The following RABL2A variants were observed in gnomAD, a reference collection of about 807,000 sequenced individuals.
RABL2A encodes RAB, member of RAS oncogene family like 2A.
Under a neutral mutation model 30.7 loss-of-function variants are expected in RABL2A, and 17 were observed. The ratio of observed to expected loss-of-function variants is 0.55; its 90% CI spans 0.38 to 0.83. The LOEUF is 0.83. Among genes scored for constraint, RABL2A ranks in the 40% least tolerant of loss-of-function variants. The pLI, the probability that RABL2A is intolerant of heterozygous loss-of-function variation, is 0.00. For missense variants in RABL2A, 155 were observed against 272.6 expected (o/e 0.57, Z 3.04); for synonymous variants, 64 against 101.8 (o/e 0.63, Z 2.24).
intron 4 of RABL2A, chr2:113,634,538 C>G (rs574646577): frequency 2.1e-6 from 1 of 474,420 alleles, no homozygotes; most frequent in Non-Finnish European, 3.8e-6. Context: ...AGGCCTTCGA[C>G]GAGGCAGTAG....
intron 2 of RABL2A, among the ~76,000 whole-genome samples, chr2:113,631,268 C>G (rs911066474): frequency 7.2e-5 from 11 of 152,104 alleles, no homozygotes; most frequent in South Asian, 4.1e-4. Context: ...TCTTTGATAG[C>G]TGTCTAACTT....
At position 113,640,992 on chromosome 2, in the gene RABL2A, C is replaced by T; in HGVS notation, c.396C>T (p.Ala132=). ...CAGAGATCCCATGCATCGTGGTGGC[C>T]AATAAAATTGATGGTGGGGCCATCC... ...FRPEIPCIVV[A]NKIDADINVT... The change falls in exon 6 of 9, where the codon GCC becomes GCT. Residue 132 remains alanine (A), a synonymous_variant. Transcript: ENST00000683472. 6.2e-7 allele frequency: 1 copy of T among 1,613,324 alleles called. No homozygotes were observed. The highest frequency in any genetic ancestry group is 2.2e-5 in the East Asian group (1 of 44,856).
chr2:113,634,958 A>T (rs1681956874), intron 4 of RABL2A, 93 bp from the exon 5 acceptor site: 1 of 1,395,980 alleles, frequency 7.2e-7, no homozygotes, highest in East Asian at 2.3e-5. Context: ...ACACTCACAC[A>T]TGTGCTGTGG....
At chr2:113,634,312 A>G in intron 4 of RABL2A, 80 bp downstream of exon 4, 1 of 1,550,064 alleles carries the variant, frequency 6.5e-7, no homozygotes. Context: ...CAAGGTTCAT[A>G]AGGAGAGAGT....
At chr2:113,641,083 G>C in intron 6 of RABL2A, 78 bp downstream of exon 6, 3 of 1,397,892 alleles carry the variant, frequency 2.1e-6, no homozygotes, top group Non-Finnish European at 3.0e-6. Context: ...CATTCCCCGG[G>C]CAGGCAACCT....
At chr2:113,631,188 C>T (rs962375237) in intron 2 of RABL2A, among the ~76,000 whole-genome samples, 8 of 152,188 alleles carry the variant, frequency 5.3e-5, no homozygotes, top group African/African-American at 1.9e-4. Context: ...AGCCACCGCA[C>T]CCAGCCAACA....
chr2:113,640,779 C>T (rs1281070956), intron 5 of RABL2A, 115 bp from the exon 6 acceptor site: 52 of 1,556,304 alleles, frequency 3.3e-5, no homozygotes, highest in Non-Finnish European at 4.3e-5. Context: ...TCAGAGCGTT[C>T]CCACAAACAG....
chr2:113,641,343 C>G lies in RABL2A; in HGVS notation c.410-10C>G, dbSNP rs761418439. The G allele has an allele frequency of 2.5e-6, 4 of 1,613,806 alleles. No homozygotes were observed. The East Asian group carries it at 6.7e-5, about 27-fold the overall frequency. ...CCTTGACAGACCAATGTCCTACCTT[C>G]TCTCTACAGCAGACATAAACGTGAC... is the stretch of plus-strand genomic sequence containing the variant. On this transcript the variant is annotated splice_polypyrimidine_tract_variant and intron_variant, in intron 6 of 8. Coordinates refer to ENST00000683472, the MANE Select transcript of RABL2A (RefSeq NM_001306158.2).
intron 5 of RABL2A, among the ~76,000 whole-genome samples, chr2:113,636,997 TAAAA>T (rs1443170260): frequency 1.0e-5 from 1 of 95,682 alleles, no homozygotes; most frequent in East Asian, 6.0e-4. Context: ...TCAAAAAAAA[TAAAA>T]AAATAAAAAA....
rs1364240581 is a variant in RABL2A, at chr2:113,642,150, G to A, written c.*21G>A. On this transcript the variant is annotated 3_prime_UTR_variant, in exon 9 of 9. Transcript: ENST00000683472. ...GCTGAGGGGCTGGGGCTAGGGGTGGGTGGAGCCCTTTTAAAATACCCTTCC... is the reference window on the plus strand; with the variant it reads ...GCTGAGGGGCTGGGGCTAGGGGTGGATGGAGCCCTTTTAAAATACCCTTCC... 13 of 1,612,240 alleles carry A rather than the reference G, an allele frequency of 8.1e-6. No homozygotes were observed. In the African/African-American group the frequency reaches 9.4e-5, roughly 12 times the overall value.
chr2:113,635,606 C>T, intron 5 of RABL2A: 1 of 237,658 alleles, frequency 4.2e-6, no homozygotes, highest in East Asian at 1.1e-4. Context: ...GGACGCAGTC[C>T]TCACGGCTCC....
At position 113,627,288 on chromosome 2, in the gene RABL2A, C is replaced by G. The variant is rs1278284820; in HGVS notation, c.-166C>G. 1 of 129,882 alleles carries G rather than the reference C, an allele frequency of 7.7e-6. No individual in the cohort carries two copies. Among genetic ancestry groups the G allele is most frequent in the South Asian group, 2.5e-4 (1 of 4,042 alleles). The allele number at this position is 129,882 out of a possible 1,614,324, so 8.0% of individuals were successfully genotyped here. ...GCCGGAAGTGGAGTGCGCTGCGGTG[C>G]GAGCTGGGCCGGCGGGGTGGTTCGA... On this transcript the variant is annotated 5_prime_UTR_variant, in exon 1 of 9. Coordinates refer to ENST00000683472, the MANE Select transcript of RABL2A (RefSeq NM_001306158.2).
intron 2 of RABL2A, 82 bp from the exon 3 acceptor site, chr2:113,632,833 G>A: frequency 6.2e-7 from 1 of 1,608,812 alleles, no homozygotes; most frequent in East Asian, 2.2e-5. Flanking sequence ...TGGCTTCCAG[G>A]TTGTCAGCCT....
intron 2 of RABL2A, among the ~76,000 whole-genome samples, chr2:113,629,006 G>A (rs1003247820): frequency 6.6e-6 from 1 of 151,462 alleles, no homozygotes; most frequent in Non-Finnish European, 1.5e-5. Context: ...GATGGCAAGG[G>A]CGGGGAGTGG....
intron 2 of RABL2A, among the ~76,000 whole-genome samples, chr2:113,629,834 G>A (rs920985692): frequency 5.3e-5 from 8 of 152,050 alleles, no homozygotes; most frequent in African/African-American, 1.7e-4. Flanking sequence ...CACCGCGCCC[G>A]GCCTCTGGTT....
intron 5 of RABL2A, chr2:113,637,735 C>T (rs1348185335): frequency 9.9e-5 from 124 of 1,250,358 alleles, no homozygotes; most frequent in Non-Finnish European, 1.2e-4. Context: ...GGAGCTTGGT[C>T]CTAGCCAGTT....
At chr2:113,630,152 A>T (rs927307825) in intron 2 of RABL2A, among the ~76,000 whole-genome samples, 1 of 152,208 alleles carries the variant, frequency 6.6e-6, no homozygotes, top group African/African-American at 2.4e-5. Flanking sequence ...GACGTCAAAG[A>T]TTACCATAAC....
intron 2 of RABL2A, among the ~76,000 whole-genome samples, chr2:113,632,700 G>A (rs1680866240): frequency 6.6e-6 from 1 of 152,238 alleles, no homozygotes; most frequent in African/African-American, 2.4e-5. Context: ...GTGGGCTGGT[G>A]TGTGTACTCA....
intron 2 of RABL2A, among the ~76,000 whole-genome samples, chr2:113,629,620 C>T (rs568776661): frequency 1.3e-5 from 2 of 152,062 alleles, no homozygotes; most frequent in South Asian, 2.1e-4. Context: ...CTGCAAGCTC[C>T]GCCTCCCGGG....
Sources: gnomAD v4.1 joint callset for allele counts (sites outside exome capture counted in the v4.1 genomes callset) on GRCh38, gnomAD v4.1.1 for gene constraint, MANE v1.5 for transcripts, NCBI Gene and HGNC (gene_info 2026-07-23, HGNC 2026-07-21) for gene names.